Variants in PACS1 observed in about 807,000 individuals in gnomAD.
The protein encoded by PACS1 is PACS-1.
Under a neutral mutation model 115.0 loss-of-function variants are expected in PACS1, and 24 were observed. That is an observed-to-expected ratio of 0.21 (90% CI 0.15 to 0.29). The LOEUF (loss-of-function observed/expected upper bound fraction) is 0.29. PACS1 is among the 10% of genes least tolerant of loss of function. The pLI is 1.00. For missense variants in PACS1, 838 were observed against 1,251.2 expected, an observed-to-expected ratio of 0.67 and a Z score of 4.98; for synonymous variants, 453 against 504.5, an observed-to-expected ratio of 0.90 and a Z score of 1.37.
chr11:66,119,043 G>C (rs1858382149), intron 1 of PACS1, among the ~76,000 whole-genome samples: 1 of 152,152 alleles, frequency 6.6e-6, no homozygotes, highest in South Asian at 2.1e-4. Flanking sequence ...GAGTGGGAGT[G>C]GGGGTGGCCC....
rs756287691 is a variant in PACS1 at position 66,220,671 on chromosome 11, G to A, written c.1079G>A (p.Arg360Gln). 1.9e-5 allele frequency: 31 copies of A among 1,614,062 alleles called. 1 individual carries two copies. Among genetic ancestry groups the A allele is most frequent in the Admixed American group, 1.7e-4 (10 of 60,006 alleles). ...GLEHVSREQIREVEEDLDELY... is the reference protein window; with the variant it reads ...GLEHVSREQIQEVEEDLDELY... ...GAGCATGTGTCCCGCGAGCAGATCC[G>A]GGAAGTGGAAGAGGACTTGGATGAA... Residue 360 changes from arginine to glutamine, a missense_variant, in exon 9 of 24, where the codon CGG becomes CAG. This residue lies in a region of PACS1 where 223 missense variants were observed against 354.0 expected (regional missense o/e 0.63). Transcript: ENST00000320580.
At chr11:66,163,969 T>G (rs1859544622) in intron 1 of PACS1, among the ~76,000 whole-genome samples, 1 of 152,206 alleles carries the variant, frequency 6.6e-6, no homozygotes, top group Admixed American at 6.5e-5. Context: ...ACATCTTGAG[T>G]CCAAATTGCA....
intron 3 of PACS1, among the ~76,000 whole-genome samples, chr11:66,210,783 G>A (rs1855052859): frequency 6.6e-6 from 1 of 152,178 alleles, no homozygotes; most frequent in Non-Finnish European, 1.5e-5. Flanking sequence ...CCTCCACGTC[G>A]GGATCTCCGT....
At chr11:66,082,196 G>A (rs1857492560) in intron 1 of PACS1, among the ~76,000 whole-genome samples, 1 of 152,052 alleles carries the variant, frequency 6.6e-6, no homozygotes, top group African/African-American at 2.4e-5. Flanking sequence ...GGTACATGGG[G>A]CACAACTGCT....
At chr11:66,110,840 G>A (rs537750332) in intron 1 of PACS1, among the ~76,000 whole-genome samples, 7 of 152,136 alleles carry the variant, frequency 4.6e-5, no homozygotes, top group South Asian at 2.1e-4. Flanking sequence ...AGGTGCTGGC[G>A]TTACAGGCAT....
chr11:66,198,625 T>TGC (rs1854702260), intron 2 of PACS1, among the ~76,000 whole-genome samples: 4 of 152,172 alleles, frequency 2.6e-5, no homozygotes, highest in Admixed American at 2.6e-4. Context: ...GGGTGATAAT[T>TGC]AAAGAATATG....
intron 7 of PACS1, chr11:66,219,526 A>G: frequency 1.5e-6 from 1 of 676,188 alleles, no homozygotes; most frequent in South Asian, 1.5e-5. Context: ...CTGGGGATAG[A>G]CATTCCTTCT....
chr11:66,197,825 CCA>C (rs1158586193), intron 2 of PACS1, among the ~76,000 whole-genome samples: 1 of 152,118 alleles, frequency 6.6e-6, no homozygotes, highest in Non-Finnish European at 1.5e-5. Flanking sequence ...ATAAAAAATT[CCA>C]CAGTTGTCTG....
chr11:66,124,614 C>T (rs1040125056), intron 1 of PACS1, among the ~76,000 whole-genome samples: 2 of 152,242 alleles, frequency 1.3e-5, no homozygotes, highest in South Asian at 2.1e-4. Context: ...ATGACAAGAA[C>T]GGTGTATTTT....
rs1343636454 is a variant in PACS1 at position 66,244,026 on chromosome 11, T to C, written c.*746T>C. 2 of 152,358 alleles carry C rather than the reference T, an allele frequency of 1.3e-5. No homozygotes were observed. The highest frequency in any genetic ancestry group is 6.5e-5 in the Admixed American group (1 of 15,290). The allele number at this position is 152,358 out of a possible 1,614,324, so 9.4% of individuals were successfully genotyped here. On this transcript the variant is annotated 3_prime_UTR_variant, in exon 24 of 24. Transcript: ENST00000320580. ...GTCGTGTGTGTCCTGAGTGTTTCTT[T>C]GGTTCTTTGCACGCCAAGTCTCTTG...
chr11:66,085,446 C>T (rs1280904806), intron 1 of PACS1, among the ~76,000 whole-genome samples: 8 of 152,198 alleles, frequency 5.3e-5, no homozygotes, highest in East Asian at 1.9e-4. Flanking sequence ...ATTTCCCTCT[C>T]GTTCTGCTCA....
chr11:66,077,390 T>C (rs926133220), intron 1 of PACS1, among the ~76,000 whole-genome samples: 4 of 152,024 alleles, frequency 2.6e-5, no homozygotes, highest in African/African-American at 9.7e-5. Flanking sequence ...TGGCAACCCC[T>C]CTCCACAAAA....
chr11:66,116,209 G>C lies in PACS1; in HGVS notation c.356+45367G>C, dbSNP rs1858303709. Among the ~76,000 whole-genome samples the C allele has an allele frequency of 2.0e-5, 3 of 152,208 alleles. No homozygotes were observed. The South Asian group carries it at 6.2e-4, about 32-fold the overall frequency. On this transcript the variant is annotated intron_variant, in intron 1 of 23. Coordinates refer to ENST00000320580, the MANE Select transcript of PACS1 (RefSeq NM_018026.4). ...CTAAGCAAAGCAGCTAAAGCTCCAGGGGCAAAGGGCAGAGCGAATAAGCAG... is the reference window on the plus strand; with the variant it reads ...CTAAGCAAAGCAGCTAAAGCTCCAGCGGCAAAGGGCAGAGCGAATAAGCAG...
At chr11:66,076,374 G>T (rs1209696390) in intron 1 of PACS1, among the ~76,000 whole-genome samples, 1 of 152,050 alleles carries the variant, frequency 6.6e-6, no homozygotes, top group Non-Finnish European at 1.5e-5. Context: ...CACTACCTCA[G>T]TTCAGGAGGC....
chr11:66,180,720 A>G (rs533274099), intron 1 of PACS1, among the ~76,000 whole-genome samples: 255 of 152,116 alleles, frequency 1.7e-3, no homozygotes, highest in Admixed American at 5.4e-3. Flanking sequence ...TTGCAGTGGT[A>G]TGATCATAGC....
chr11:66,120,897 C>A, intron 1 of PACS1: 1 of 408,022 alleles, frequency 2.5e-6, no homozygotes, highest in Non-Finnish European at 5.0e-6. Context: ...GGGACGTCTT[C>A]ATGAAGTCCC....
intron 1 of PACS1, among the ~76,000 whole-genome samples, chr11:66,118,058 C>T (rs572918863): frequency 6.6e-6 from 1 of 152,152 alleles, no homozygotes; most frequent in African/African-American, 2.4e-5. Flanking sequence ...CTTTTTGGCA[C>T]ATGTGGGGGT....
chr11:66,092,434 A>T (rs1485222996), intron 1 of PACS1, among the ~76,000 whole-genome samples: 1 of 152,086 alleles, frequency 6.6e-6, no homozygotes, highest in Non-Finnish European at 1.5e-5. Context: ...CCTTTGTCAG[A>T]TGAGTAGGTT....
At chr11:66,202,742 A>AAAAAAAAATATATATAT (rs1200930188) in intron 2 of PACS1, among the ~76,000 whole-genome samples, 2 of 71,652 alleles carry the variant, frequency 2.8e-5, no homozygotes, top group East Asian at 5.3e-4. Flanking sequence ...AAAAAAAAAA[A>AAAAAAAAATATATATAT]ATATATATAT....
Sources: gnomAD v4.1 joint callset for allele counts (sites outside exome capture counted in the v4.1 genomes callset) on GRCh38, gnomAD v4.1.1 for gene constraint, gnomAD v4.1.1 regional missense constraint, MANE v1.5 for transcripts, NCBI Gene and HGNC (gene_info 2026-07-23, HGNC 2026-07-21) for gene names.